NXPE2: variants seen among roughly 807,000 people sequenced by gnomAD.
NXPE2 encodes the protein NXPE family member 2.
In NXPE2, 34 loss-of-function variants were observed where a neutral mutation model predicts 34.4. The observed-to-expected ratio is 0.99, with a 90% CI of 0.75 to 1.31. NXPE2 has a LOEUF of 1.31. NXPE2 is among the 40% of genes most tolerant of loss of function. The pLI is 0.00. For missense variants in NXPE2, 649 were observed against 672.5 expected, an observed-to-expected ratio of 0.97 and a Z score of 0.39; for synonymous variants, 235 against 231.3, an observed-to-expected ratio of 1.02 and a Z score of -0.15.
chr11:114,803,901 C>T, the NXPE2 span, among the ~76,000 whole-genome samples: 1 of 152,120 alleles, frequency 6.6e-6, no homozygotes, highest in Non-Finnish European at 1.5e-5. Context: ...TGTATAAGGG[C>T]ACTAATCTCA....
the NXPE2 span, among the ~76,000 whole-genome samples, chr11:114,715,750 T>G: frequency 1.3e-5 from 2 of 152,222 alleles, no homozygotes; most frequent in African/African-American, 4.8e-5. Flanking sequence ...AACAAAATGT[T>G]TAAATGCTTT....
chr11:114,630,940 C>A, the NXPE2 span, among the ~76,000 whole-genome samples: 1 of 151,240 alleles, frequency 6.6e-6, no homozygotes, highest in Admixed American at 6.6e-5. Flanking sequence ...CCATCACTGG[C>A]CATCAGAGAA....
the NXPE2 span, among the ~76,000 whole-genome samples, chr11:114,795,464 C>G: frequency 6.6e-6 from 1 of 152,222 alleles, no homozygotes; most frequent in Non-Finnish European, 1.5e-5. Context: ...CCTGCCTATA[C>G]AACTTCATTT....
At chr11:114,772,084 G>A in the NXPE2 span, among the ~76,000 whole-genome samples, 2 of 152,194 alleles carry the variant, frequency 1.3e-5, no homozygotes, top group East Asian at 1.9e-4. Context: ...GAAAACGGAC[G>A]CTTTGTGTGG....
intron 3 of NXPE2, among the ~76,000 whole-genome samples, chr11:114,701,517 T>C (rs1951364743): frequency 6.6e-6 from 1 of 152,176 alleles, no homozygotes; most frequent in South Asian, 2.1e-4. Context: ...GATCCCCTGC[T>C]CTATTCAAGC....
the NXPE2 span, among the ~76,000 whole-genome samples, chr11:114,515,919 AG>A: frequency 6.6e-6 from 1 of 152,206 alleles, no homozygotes. Flanking sequence ...ACCTAATGGA[AG>A]GGTTTTGGGA....
At chr11:114,482,785 T>C in the NXPE2 span, among the ~76,000 whole-genome samples, 3 of 152,216 alleles carry the variant, frequency 2.0e-5, no homozygotes, top group Non-Finnish European at 4.4e-5. Flanking sequence ...AACACTTCTC[T>C]ACTCTGTATG....
chr11:114,629,681 T>C, the NXPE2 span, among the ~76,000 whole-genome samples: 20 of 151,840 alleles, frequency 1.3e-4, no homozygotes, highest in African/African-American at 2.4e-4. Flanking sequence ...GGCAATTACA[T>C]AGGAGAAGGG....
the NXPE2 span, among the ~76,000 whole-genome samples, chr11:114,609,105 G>C: frequency 6.6e-6 from 1 of 151,980 alleles, no homozygotes; most frequent in Admixed American, 6.6e-5. Flanking sequence ...TTGCCTCATG[G>C]GTAGCTACTG....
the NXPE2 span, among the ~76,000 whole-genome samples, chr11:114,632,984 T>G: frequency 9.6e-6 from 1 of 104,352 alleles, no homozygotes; most frequent in African/African-American, 4.0e-5. Context: ...TATTATATAT[T>G]TTTATATAAT....
the NXPE2 span, chr11:114,580,461 G>T: frequency 2.7e-6 from 2 of 741,310 alleles, no homozygotes; most frequent in Non-Finnish European, 4.5e-6. Flanking sequence ...GGTGGAAAAA[G>T]TATTACTGAA....
chr11:114,801,940 C>A, the NXPE2 span, among the ~76,000 whole-genome samples: 2 of 152,248 alleles, frequency 1.3e-5, no homozygotes, highest in East Asian at 3.9e-4. Flanking sequence ...GTTGATCAGG[C>A]AGCCAGATCT....
the NXPE2 span, among the ~76,000 whole-genome samples, chr11:114,808,447 C>A: frequency 5.7e-5 from 8 of 141,198 alleles, no homozygotes; most frequent in African/African-American, 1.8e-4. Context: ...AGGCTGCTAG[C>A]AAGACTAATA....
the NXPE2 span, among the ~76,000 whole-genome samples, chr11:114,516,514 C>T: frequency 6.6e-6 from 1 of 152,002 alleles, no homozygotes; most frequent in Non-Finnish European, 1.5e-5. Flanking sequence ...CTTGGTCTGA[C>T]CTGGGATAGA....
At chr11:114,587,336 G>A in the NXPE2 span, among the ~76,000 whole-genome samples, 7 of 152,162 alleles carry the variant, frequency 4.6e-5, no homozygotes, top group South Asian at 1.5e-3. Context: ...TTTAATTCCG[G>A]AAGTTAACCA....
At chr11:114,705,612 C>T (rs960247793) in intron 4 of NXPE2, among the ~76,000 whole-genome samples, 169 bp from the exon 5 acceptor site, 1 of 152,124 alleles carries the variant, frequency 6.6e-6, no homozygotes, top group Non-Finnish European at 1.5e-5. Context: ...TTAATTCACC[C>T]TTTTAACATG....
At chr11:114,479,865 A>T in the NXPE2 span, among the ~76,000 whole-genome samples, 1 of 152,154 alleles carries the variant, frequency 6.6e-6, no homozygotes, top group Non-Finnish European at 1.5e-5. Flanking sequence ...GCTGTACAAG[A>T]AGCATAGGAG....
the NXPE2 span, among the ~76,000 whole-genome samples, chr11:114,751,772 T>A: frequency 6.6e-6 from 1 of 152,176 alleles, no homozygotes; most frequent in Non-Finnish European, 1.5e-5. Flanking sequence ...CTTGGTCACT[T>A]GATCATGAGG....
At chr11:114,756,879 G>A in the NXPE2 span, among the ~76,000 whole-genome samples, 1 of 152,150 alleles carries the variant, frequency 6.6e-6, no homozygotes, top group Admixed American at 6.5e-5. Context: ...ATGACATGAG[G>A]CTGAGGTCTT....
Sources: gnomAD v4.1 joint callset for allele counts (sites outside exome capture counted in the v4.1 genomes callset) on GRCh38, gnomAD v4.1.1 for gene constraint, MANE v1.5 for transcripts, NCBI Gene and HGNC (gene_info 2026-07-23, HGNC 2026-07-21) for gene names.